ADGRD1: variants seen among roughly 807,000 people sequenced by gnomAD.
ADGRD1 encodes the protein G-protein coupled receptor 133.
ADGRD1 carries 77 observed loss-of-function variants against 113.4 expected under a neutral mutation model. That is an observed-to-expected ratio of 0.68 (90% CI 0.57 to 0.82). The LOEUF (loss-of-function observed/expected upper bound fraction) is 0.82, where lower values mean the gene tolerates loss of function less well. ADGRD1 is among the 40% of genes least tolerant of loss of function. The pLI is 0.00. For missense variants in ADGRD1, 1,036 were observed against 1,139.1 expected (o/e 0.91, Z 1.30); for synonymous variants, 474 against 475.0 (o/e 1.00, Z 0.03).
chr12:131,106,125 T>C (rs1057395328), intron 17 of ADGRD1, among the ~76,000 whole-genome samples: 3 of 152,158 alleles, frequency 2.0e-5, no homozygotes, highest in Non-Finnish European at 4.4e-5. Flanking sequence ...CGAGGCACCA[T>C]GACAAGGGCT....
At chr12:130,998,278 C>T (rs559364484) in intron 8 of ADGRD1, among the ~76,000 whole-genome samples, 1 of 152,256 alleles carries the variant, frequency 6.6e-6, no homozygotes, top group East Asian at 1.9e-4. Context: ...ATCTACGAGG[C>T]AGGCTCAGCC....
At chr12:130,988,545 A>G (rs34227644) in intron 6 of ADGRD1, 13,730 of 152,296 alleles carry the variant, frequency 0.09, 801 homozygotes, top group Middle Eastern at 0.15. Context: ...CCAATTCAAG[A>G]TAACTTTAGC....
intron 20 of ADGRD1, among the ~76,000 whole-genome samples, chr12:131,129,240 C>T (rs1231082867): frequency 5.1e-5 from 7 of 137,608 alleles, no homozygotes; most frequent in Non-Finnish European, 1.1e-4. Context: ...AGTGACAGGC[C>T]CGCCCTGCTG....
At chr12:131,013,683 G>T (rs1878206223) in intron 12 of ADGRD1, among the ~76,000 whole-genome samples, 1 of 152,172 alleles carries the variant, frequency 6.6e-6, no homozygotes, top group African/African-American at 2.4e-5. Context: ...CAGGTGCTTT[G>T]ATCAGGAAAA....
intron 18 of ADGRD1, 122 bp from the exon 19 acceptor site, chr12:131,118,263 C>G: frequency 1.5e-6 from 1 of 688,754 alleles, no homozygotes; most frequent in Non-Finnish European, 2.5e-6. Flanking sequence ...GCACATAGTT[C>G]CCCCTCTGTA....
Position 131,084,796 on chromosome 12 carries a change from G to A in ADGRD1, c.1671+133G>A. The A allele has an allele frequency of 1.0e-6, 1 of 960,876 alleles. No homozygotes were observed. The highest frequency in any genetic ancestry group is 2.6e-5 in the East Asian group (1 of 38,198). 59.5% of individuals were successfully genotyped at this position (960,876 alleles called of 1,614,324 possible). The stretch of plus-strand genomic sequence containing the variant: ...TTACTCCATGGGGCCTGTGTTTACA[G>A]ACGGAATCCATTCTCTTGGCTTCTG... On this transcript the variant is annotated intron_variant, in intron 15 of 24. Transcript: ENST00000261654. This position sits in a 1 kb window ranked among gnomAD's most constrained non-coding sequence, Gnocchi z 4.5.
chr12:131,081,924 T>G (rs1404928736), intron 14 of ADGRD1, among the ~76,000 whole-genome samples: 15 of 152,196 alleles, frequency 9.9e-5, no homozygotes. Context: ...ACTGATACTT[T>G]AAGAAATTAT....
At chr12:131,061,655 C>T (rs938019306) in intron 13 of ADGRD1, among the ~76,000 whole-genome samples, 4 of 152,186 alleles carry the variant, frequency 2.6e-5, no homozygotes, top group Non-Finnish European at 4.4e-5. Flanking sequence ...CAATGTCAAA[C>T]CAGGAAACTA....
intron 13 of ADGRD1, among the ~76,000 whole-genome samples, chr12:131,056,503 G>A (rs2137066142): frequency 6.6e-6 from 1 of 152,362 alleles, no homozygotes; most frequent in Admixed American, 6.5e-5. Flanking sequence ...TGCTGAGGCT[G>A]TATTTTAAGC....
chr12:131,126,309 C>T (rs144875216), intron 20 of ADGRD1, among the ~76,000 whole-genome samples: 95 of 152,194 alleles, frequency 6.2e-4, no homozygotes, highest in African/African-American at 2.1e-3. Flanking sequence ...CTTGCTTTTC[C>T]GACTTCTGCT....
At chr12:131,083,680 C>A (rs115938394) in intron 14 of ADGRD1, among the ~76,000 whole-genome samples, 11 of 152,310 alleles carry the variant, frequency 7.2e-5, no homozygotes, top group African/African-American at 2.4e-4. Context: ...AATATTCACA[C>A]CAACAGGTTT....
intron 14 of ADGRD1, among the ~76,000 whole-genome samples, chr12:131,082,231 T>A (rs575115342): frequency 1.2e-4 from 18 of 152,350 alleles, no homozygotes; most frequent in African/African-American, 4.3e-4. Context: ...ATGTTACATT[T>A]TATGTATGCA....
intron 13 of ADGRD1, chr12:131,026,999 G>A (rs1397414986): frequency 6.6e-6 from 1 of 152,198 alleles, no homozygotes; most frequent in Admixed American, 6.5e-5. Context: ...AAAGCAGGCG[G>A]GTGGCTTCTC....
intron 13 of ADGRD1, among the ~76,000 whole-genome samples, chr12:131,020,950 G>A (rs1218974962): frequency 6.6e-6 from 1 of 152,256 alleles, no homozygotes; most frequent in African/African-American, 2.4e-5. Flanking sequence ...CCCTGGATGT[G>A]TCTTGTTGGC....
At chr12:131,013,129 C>T (rs1218972596) in intron 12 of ADGRD1, among the ~76,000 whole-genome samples, 1 of 152,160 alleles carries the variant, frequency 6.6e-6, no homozygotes, top group Non-Finnish European at 1.5e-5. Context: ...TCACCCTCCT[C>T]CTGGCCCTGA....
At position 131,123,654 on chromosome 12, in the gene ADGRD1, T is replaced by C. The variant is rs894558232; in HGVS notation, c.2175+2741T>C. On this transcript the variant is annotated intron_variant, in intron 20 of 24. Transcript: ENST00000261654. Reference sequence around the variant, plus strand: ...GGCTAACACAGTGAAACCCCGCCTCTACTAAAAATACAAAAAAATTAGCTG... The same window carrying C: ...GGCTAACACAGTGAAACCCCGCCTCCACTAAAAATACAAAAAAATTAGCTG... Among the ~76,000 whole-genome samples the C allele has an allele frequency of 5.3e-5, 8 of 152,016 alleles. No homozygotes were observed. The South Asian group carries it at 1.5e-3, about 28-fold the overall frequency.
intron 3 of ADGRD1, chr12:130,968,753 C>G (rs567115294): frequency 3.7e-6 from 2 of 541,144 alleles, no homozygotes; most frequent in African/African-American, 3.9e-5. Context: ...GCCATCACGC[C>G]CTGGTGTGGG....
intron 15 of ADGRD1, among the ~76,000 whole-genome samples, chr12:131,088,182 A>C (rs1331022127): frequency 6.6e-6 from 1 of 151,442 alleles, no homozygotes; most frequent in Non-Finnish European, 1.5e-5. Flanking sequence ...TGCTCGTCTT[A>C]CCAGCAGAGA....
intron 22 of ADGRD1, 132 bp downstream of exon 22, chr12:131,136,295 G>C (rs1037968430): frequency 1.6e-5 from 18 of 1,119,628 alleles, no homozygotes; most frequent in Non-Finnish European, 2.3e-5. Context: ...GTAATGCGGG[G>C]CATCCCCGAA....
Sources: allele counts gnomAD v4.1 joint callset (sites outside exome capture counted in the v4.1 genomes callset), GRCh38; gene constraint gnomAD v4.1.1; non-coding constraint Gnocchi (gnomAD v3.1); transcripts MANE v1.5; gene names NCBI Gene and HGNC (gene_info 2026-07-23, HGNC 2026-07-21).